The following USP24 variants were observed in gnomAD, a reference collection of about 807,000 sequenced individuals.
USP24 encodes ubiquitin carboxyl-terminal hydrolase 24.
USP24 carries 97 observed loss-of-function variants against 361.6 expected under a neutral mutation model. The observed-to-expected ratio is 0.27, with a 90% confidence interval of 0.23 to 0.32. USP24 has a LOEUF of 0.32. USP24 is among the 10% of genes least tolerant of loss of function. The pLI, the probability that USP24 is intolerant of heterozygous loss-of-function variation, is 1.00. For synonymous variants in USP24, 1,098 were observed against 1,124.6 expected (o/e 0.98, Z 0.47); for missense variants, 2,353 against 3,165.6 (o/e 0.74, Z 6.16).
At chr1:55,155,948 C>CT (rs1410470222) in intron 12 of USP24, among the ~76,000 whole-genome samples, 5 of 152,092 alleles carry the variant, frequency 3.3e-5, no homozygotes, top group Admixed American at 3.3e-4. Flanking sequence ...CCAACATTCT[C>CT]TTTTTTTGCT....
chr1:55,069,013 G>C lies in USP24; in HGVS notation c.*32C>G. The C allele has an allele frequency of 6.2e-7, 1 of 1,611,710 alleles. No individual in the cohort carries two copies. Among genetic ancestry groups the C allele is most frequent in the East Asian group, 2.2e-5 (1 of 44,882 alleles). On this transcript the variant is annotated 3_prime_UTR_variant, in exon 68 of 68. Transcript: ENST00000294383. ...GAAGGTGCTGAGCATCCAGTATTGTGTCTTGACTCCTCTCAGGCTGGGCAT... is the reference window on the plus strand; with the variant it reads ...GAAGGTGCTGAGCATCCAGTATTGTCTCTTGACTCCTCTCAGGCTGGGCAT...
intron 38 of USP24, among the ~76,000 whole-genome samples, chr1:55,115,495 CA>C (rs1165658382): frequency 0.023 from 1,042 of 45,802 alleles, 5 homozygotes; most frequent in African/African-American, 0.067. Context: ...GACTCCGCCT[CA>C]AAAAAAAAAA....
chr1:55,132,162 T>C (rs1271894078), intron 31 of USP24, among the ~76,000 whole-genome samples: 1 of 152,166 alleles, frequency 6.6e-6, no homozygotes, highest in Admixed American at 6.5e-5. Context: ...CCCCTAAAAT[T>C]CCTATTTTGG....
intron 1 of USP24, among the ~76,000 whole-genome samples, chr1:55,188,276 G>A (rs781350368): frequency 3.9e-5 from 6 of 151,906 alleles, no homozygotes; most frequent in Non-Finnish European, 5.9e-5. Flanking sequence ...TCAATGTAAC[G>A]CAAGACTAAA....
chr1:55,105,391 A>G (rs1028960061), intron 41 of USP24, among the ~76,000 whole-genome samples: 1 of 152,200 alleles, frequency 6.6e-6, no homozygotes, highest in Non-Finnish European at 1.5e-5. Flanking sequence ...TTTATATGTG[A>G]TAAGATACCT....
chr1:55,136,754 G>A (rs1646747170), intron 28 of USP24, among the ~76,000 whole-genome samples: 1 of 152,182 alleles, frequency 6.6e-6, no homozygotes, highest in African/African-American at 2.4e-5. Context: ...GCTGTGGGAA[G>A]AAGAGATTTG....
intron 40 of USP24, 105 bp downstream of exon 40, chr1:55,107,134 T>C (rs1645797316): frequency 1.5e-6 from 2 of 1,376,936 alleles, no homozygotes; most frequent in South Asian, 1.5e-5. Context: ...GGGTCAATTT[T>C]CCATGGAACA....
chr1:55,117,354 G>A lies in USP24; in HGVS notation c.4508+3242C>T, dbSNP rs184689938. Among the ~76,000 whole-genome samples the A allele has an allele frequency of 6.0e-3, 917 of 152,286 alleles. 4 individuals are homozygous for A. The highest frequency in any genetic ancestry group is 0.01 in the Non-Finnish European group (682 of 68,018). ...AATTAGGCAAGAAAAAGAACTAAAA[G>A]ACATCCAAATTGAAAAGGGAGTAAA... On this transcript the variant is annotated intron_variant, in intron 38 of 67. Transcript: ENST00000294383.
At chr1:55,208,051 G>C (rs1159870785) in intron 1 of USP24, among the ~76,000 whole-genome samples, 3 of 152,184 alleles carry the variant, frequency 2.0e-5, no homozygotes, top group Admixed American at 6.5e-5. Context: ...TGGAAAGATT[G>C]TAAGAATAAT....
intron 44 of USP24, 50 bp downstream of exon 44, chr1:55,100,789 T>G: frequency 6.5e-7 from 1 of 1,530,940 alleles, no homozygotes; most frequent in Non-Finnish European, 8.8e-7. Context: ...AGAAAGAATG[T>G]AGCCAAATAT....
chr1:55,091,904 T>G, intron 54 of USP24, 119 bp downstream of exon 54: 1 of 715,978 alleles, frequency 1.4e-6, no homozygotes, highest in Non-Finnish European at 2.3e-6. Context: ...GACCATGTCT[T>G]AGTCCTCTGA....
intron 23 of USP24, 67 bp from the exon 24 acceptor site, chr1:55,141,798 C>T: frequency 6.9e-7 from 1 of 1,443,598 alleles, no homozygotes; most frequent in Non-Finnish European, 9.5e-7. Context: ...ACATTCTGGA[C>T]AGGATAATTT....
rs1647404771 is a variant in USP24, at chr1:55,154,403, G to A, written c.1618C>T (p.Arg540Trp). The A allele has an allele frequency of 2.6e-6, 4 of 1,551,390 alleles. No individual in the cohort carries two copies. Among genetic ancestry groups the A allele is most frequent in the South Asian group, 1.2e-5 (1 of 84,046 alleles). The change falls in exon 14 of 68, where the codon CGG becomes TGG. Residue 540 changes from arginine (R) to tryptophan (W), a missense_variant. By Grantham distance (101) the Arg-to-Trp change is moderately radical. Coordinates refer to ENST00000294383, the MANE Select transcript of USP24 (RefSeq NM_015306.3). ...GAAGTGGTCTCAAAGCGAGCTTCCC[G>A]GCCTATTCGTCCAATCAGGCTCAAA... ...KLLSLIGRIG[R>W]EARFETTSGK...
Position 55,160,762 on chromosome 1 carries a change from TATTTATGCTA to T in USP24, c.994-1087_994-1078del, listed in dbSNP as rs1648191823. 2.0e-5 allele frequency among the ~76,000 whole-genome samples: 3 copies of T among 152,312 alleles called. No homozygotes were observed. In the South Asian group the frequency reaches 6.2e-4, roughly 32 times the overall value. On this transcript the variant is annotated intron_variant, in intron 8 of 67. Coordinates refer to ENST00000294383, the MANE Select transcript of USP24 (RefSeq NM_015306.3). ...CCTTAATATTAGTTAGCAGCTGGGG[TATTTATGCTA>T]AATTCTCTTCCACATAGCAAGGCAT...
intron 10 of USP24, 64 bp from the exon 11 acceptor site, chr1:55,157,434 T>A (rs113085123): frequency 1.1e-6 from 1 of 926,546 alleles, no homozygotes; most frequent in African/African-American, 1.7e-5. Flanking sequence ...TATAGATAGA[T>A]AGATAATTTT....
rs117876796 is a variant in USP24 at position 55,120,313 on chromosome 1, C to T, written c.4508+283G>A. Among the ~76,000 whole-genome samples, 4 of 152,230 alleles carry T rather than the reference C, an allele frequency of 2.6e-5. No individual in the cohort carries two copies. In the East Asian group the frequency reaches 5.8e-4, roughly 22 times the overall value. On this transcript the variant is annotated intron_variant, in intron 38 of 67. Coordinates refer to ENST00000294383, the MANE Select transcript of USP24 (RefSeq NM_015306.3). ...GTATAACCTTTACACAGTGACCGGG[C>T]TCCAATAATTCCAGGCTCTCACCAA...
At chr1:55,097,423 G>A in intron 48 of USP24, among the ~76,000 whole-genome samples, 175 bp downstream of exon 48, 1 of 152,102 alleles carries the variant, frequency 6.6e-6, no homozygotes, top group East Asian at 1.9e-4. Context: ...GAGGGCCACT[G>A]TTTCCAGATC....
chr1:55,110,053 C>T (rs1645905120), intron 39 of USP24, 132 bp downstream of exon 39: 1 of 697,380 alleles, frequency 1.4e-6, no homozygotes, highest in Admixed American at 3.7e-5. Context: ...TTCAAGAAAA[C>T]AAGGTTCAAC....
At chr1:55,211,333 C>G (rs1462499928) in intron 1 of USP24, among the ~76,000 whole-genome samples, 1 of 152,182 alleles carries the variant, frequency 6.6e-6, no homozygotes, top group Non-Finnish European at 1.5e-5. Flanking sequence ...AACTGGACAG[C>G]TTCTCAAAGT....
Sources: allele counts gnomAD v4.1 joint callset (sites outside exome capture counted in the v4.1 genomes callset), GRCh38; gene constraint gnomAD v4.1.1; transcripts MANE v1.5; gene names NCBI Gene and HGNC (gene_info 2026-07-23, HGNC 2026-07-21).